The following ADAM19 variants were observed in gnomAD, a reference collection of about 807,000 sequenced individuals.
ADAM19 encodes the protein ADAM metallopeptidase domain 19.
In ADAM19, 65 loss-of-function variants were observed where a neutral mutation model predicts 114.7. The observed-to-expected ratio is 0.57, with a 90% confidence interval of 0.46 to 0.70. The LOEUF (loss-of-function observed/expected upper bound fraction) is 0.70, where lower values mean the gene tolerates loss of function less well. Among genes scored for constraint, ADAM19 ranks in the 30% least tolerant of loss-of-function variants. ADAM19 has a pLI of 0.00. For missense variants in ADAM19, 1,063 were observed against 1,204.7 expected, an observed-to-expected ratio of 0.88 and a Z score of 1.74; for synonymous variants, 466 against 460.5, an observed-to-expected ratio of 1.01 and a Z score of -0.15.
chr5:157,524,187 AGC>A (rs1050528922), intron 5 of ADAM19, among the ~76,000 whole-genome samples: 4 of 152,212 alleles, frequency 2.6e-5, no homozygotes, highest in African/African-American at 9.7e-5. Flanking sequence ...CCCTCTTCCA[AGC>A]ACCACCAGTT....
Position 157,479,922 on chromosome 5 carries a change from G to A in ADAM19, c.*1027C>T. On this transcript the variant is annotated 3_prime_UTR_variant, in exon 23 of 23. Transcript: ENST00000257527. ...GAGTAAGGAGGAAGACCCCCACCCT[G>A]CTGAGGTCACAAAACACAATGAAAA... The A allele has an allele frequency of 1.0e-6, 1 of 985,890 alleles. No homozygotes were observed. The highest frequency in any genetic ancestry group is 1.2e-6 in the Non-Finnish European group (1 of 830,060). 61.1% of individuals were successfully genotyped at this position (985,890 alleles called of 1,614,324 possible).
chr5:157,537,869 G>C (rs776309699), intron 4 of ADAM19, 44 bp downstream of exon 4: 2 of 1,551,118 alleles, frequency 1.3e-6, no homozygotes, highest in African/African-American at 2.7e-5. Flanking sequence ...AGTAGGGCTG[G>C]GAGAGGACAG....
Position 157,480,488 on chromosome 5 carries a change from G to A in ADAM19, c.*461C>T, listed in dbSNP as rs528177777. 1.0e-6 allele frequency: 1 copy of A among 992,732 alleles called. No homozygotes were observed. Among genetic ancestry groups the A allele is most frequent in the African/African-American group, 1.7e-5 (1 of 57,456 alleles). The allele number at this position is 992,732 out of a possible 1,614,324, so 61.5% of individuals were successfully genotyped here. On this transcript the variant is annotated 3_prime_UTR_variant, in exon 23 of 23. Transcript: ENST00000257527. ...TAATCCCTAAAAGCTAAAAGGGGTG[G>A]GTAAGTACCAGCCTCCATCCAGCCC...
chr5:157,534,547 C>A (rs1306173902), intron 4 of ADAM19, among the ~76,000 whole-genome samples: 1 of 152,116 alleles, frequency 6.6e-6, no homozygotes, highest in African/African-American at 2.4e-5. Context: ...AATACCAATG[C>A]TTTGGGAGGC....
At chr5:157,526,171 T>TACAC (rs764679784) in intron 5 of ADAM19, among the ~76,000 whole-genome samples, 87 of 147,836 alleles carry the variant, frequency 5.9e-4, no homozygotes, top group Middle Eastern at 3.5e-3. Context: ...TATATATATA[T>TACAC]ATACACACAC....
chr5:157,509,310 T>C lies in ADAM19; in HGVS notation c.896A>G (p.Gln299Arg). ...GAAAAAGGCTATTTACGTGATTAAT[T>C]GGGCGTTGTCATGGTACTTCTGGGC... The part of the protein sequence containing the change: ...LLAQKYHDNA[Q>R]LITGMSFHGT... Residue 299 changes from glutamine to arginine, a missense_variant, in exon 9 of 23, where the codon CAA (glutamine) becomes CGA (arginine). By Grantham distance (43) the Gln-to-Arg change is conservative. Transcript: ENST00000257527. The C allele has an allele frequency of 6.2e-7, 1 of 1,607,994 alleles. No individual in the cohort carries two copies. Among genetic ancestry groups the C allele is most frequent in the Non-Finnish European group, 8.5e-7 (1 of 1,176,318 alleles).
At chr5:157,497,154 G>C (rs1485334532) in intron 13 of ADAM19, 65 bp from the exon 14 acceptor site, 2 of 1,353,926 alleles carry the variant, frequency 1.5e-6, no homozygotes, top group Non-Finnish European at 1.9e-6. Context: ...TGTTGCCCAA[G>C]GGCTCATAAG....
Position 157,509,212 on chromosome 5 carries a change from C to G in ADAM19, c.905+89G>C, listed in dbSNP as rs1002806866. 91 of 1,388,828 alleles carry G rather than the reference C, an allele frequency of 6.6e-5. 1 individual carries two copies. In the South Asian group the frequency reaches 1.3e-3, roughly 20 times the overall value. 86.0% of individuals were successfully genotyped at this position (1,388,828 alleles called of 1,614,324 possible). A position where few individuals can be genotyped will look rare whatever the true frequency, so the allele number is the denominator to read the frequency against. On this transcript the variant is annotated intron_variant, in intron 9 of 22. Coordinates refer to ENST00000257527, the MANE Select transcript of ADAM19 (RefSeq NM_033274.5). Reference sequence around the variant, plus strand: ...TCAGAATGGCCTTGTACAACCAACACTCGCCATGGGGCAAACTCTGAGCAT... The same window carrying G: ...TCAGAATGGCCTTGTACAACCAACAGTCGCCATGGGGCAAACTCTGAGCAT...
At chr5:157,526,171 TATACACAC>T (rs1227725803) in intron 5 of ADAM19, among the ~76,000 whole-genome samples, 85 of 147,840 alleles carry the variant, frequency 5.7e-4, no homozygotes, top group African/African-American at 1.8e-3. Context: ...TATATATATA[TATACACAC>T]ACACACACAC....
At chr5:157,497,600 A>C (rs1486969950) in intron 13 of ADAM19, among the ~76,000 whole-genome samples, 4 of 84,138 alleles carry the variant, frequency 4.8e-5, no homozygotes, top group African/African-American at 2.7e-4. Context: ...CACACACACA[A>C]AACTAGCATT....
intron 21 of ADAM19, among the ~76,000 whole-genome samples, chr5:157,482,529 G>A (rs994894270): frequency 2.6e-5 from 4 of 152,128 alleles, no homozygotes; most frequent in African/African-American, 9.7e-5. Flanking sequence ...GGGTTTTTAT[G>A]GTTTTAGGTC....
chr5:157,516,811 A>G (rs1366409412), intron 7 of ADAM19, among the ~76,000 whole-genome samples: 3 of 152,198 alleles, frequency 2.0e-5, no homozygotes, highest in Non-Finnish European at 2.9e-5. Context: ...GGCCAGAGTC[A>G]GTTATCTCCT....
chr5:157,550,808 C>A (rs1757173965), intron 3 of ADAM19, among the ~76,000 whole-genome samples: 1 of 152,058 alleles, frequency 6.6e-6, no homozygotes, highest in Admixed American at 6.6e-5. Flanking sequence ...TATAAACTTG[C>A]AGAGGAGCCA....
chr5:157,568,713 T>C (rs1325264655), intron 2 of ADAM19: 1 of 152,188 alleles, frequency 6.6e-6, no homozygotes, highest in Non-Finnish European at 1.5e-5. Flanking sequence ...GAATGTGAGC[T>C]TTAAGTCAGT....
chr5:157,512,898 T>C (rs1172255428), intron 8 of ADAM19, among the ~76,000 whole-genome samples: 1 of 152,176 alleles, frequency 6.6e-6, no homozygotes, highest in African/African-American at 2.4e-5. Flanking sequence ...CTGACCTACC[T>C]CAATTCCCTC....
At chr5:157,513,179 T>C (rs1755974295) in intron 8 of ADAM19, among the ~76,000 whole-genome samples, 1 of 152,158 alleles carries the variant, frequency 6.6e-6, no homozygotes, top group Non-Finnish European at 1.5e-5. Context: ...AAACCACACA[T>C]TGATTTACGA....
At chr5:157,527,935 C>T (rs1335444027) in intron 5 of ADAM19, among the ~76,000 whole-genome samples, 2 of 152,150 alleles carry the variant, frequency 1.3e-5, no homozygotes, top group South Asian at 2.1e-4. Flanking sequence ...CACCTAGAAG[C>T]TCAGCTGAAT....
At chr5:157,494,218 A>G (rs1755271564) in intron 15 of ADAM19, among the ~76,000 whole-genome samples, 1 of 151,652 alleles carries the variant, frequency 6.6e-6, no homozygotes, top group Non-Finnish European at 1.5e-5. Context: ...TGGAGGATGG[A>G]TAGATGGATG....
In ADAM19 at chr5:157,542,949, C is replaced by T. The variant is rs562115733; in HGVS notation, c.252-4958G>A. The stretch of plus-strand genomic sequence containing the variant: ...ATTAATTAGGACAGCCCTTGTTCCA[C>T]TCTGTAAAATCAGATGTTAACTTGT... On this transcript the variant is annotated intron_variant, in intron 3 of 22. Coordinates refer to ENST00000257527, the MANE Select transcript of ADAM19 (RefSeq NM_033274.5). 2.0e-5 allele frequency among the ~76,000 whole-genome samples: 3 copies of T among 152,284 alleles called. No individual in the cohort carries two copies. In the South Asian group the frequency reaches 6.2e-4, roughly 32 times the overall value.
Sources: allele counts gnomAD v4.1 joint callset (sites outside exome capture counted in the v4.1 genomes callset), GRCh38; gene constraint gnomAD v4.1.1; transcripts MANE v1.5; gene names NCBI Gene and HGNC (gene_info 2026-07-23, HGNC 2026-07-21).